The following UNC79 variants were observed in gnomAD, a reference collection of about 807,000 sequenced individuals.
The protein encoded by UNC79 is unc-79 subunit of NALCN channel complex, also known as protein unc-79 homolog.
In UNC79, 37 loss-of-function variants were observed where a neutral mutation model predicts 283.1. The ratio of observed to expected loss-of-function variants is 0.13; its 90% CI spans 0.10 to 0.17. The LOEUF is 0.17. Ranked by LOEUF, UNC79 falls within the 10% of genes least tolerant of loss-of-function variation. UNC79 has a pLI of 1.00. For synonymous variants in UNC79, 1,107 were observed against 1,200.2 expected (o/e 0.92, Z 1.61); for missense variants, 2,272 against 3,211.1 (o/e 0.71, Z 7.07).
At chr14:93,537,925 C>T (rs2061168192) in intron 11 of UNC79, 64 bp from the exon 12 acceptor site, 1 of 1,507,138 alleles carries the variant, frequency 6.6e-7, no homozygotes, top group East Asian at 2.3e-5. Flanking sequence ...TTCATTTATT[C>T]TGATTCTTAG....
chr14:93,538,416 G>A (rs2061190679), intron 12 of UNC79, among the ~76,000 whole-genome samples, 198 bp downstream of exon 12: 2 of 152,300 alleles, frequency 1.3e-5, no homozygotes, highest in East Asian at 1.9e-4. Flanking sequence ...TATGTGCCAC[G>A]CACTATGCTG....
chr14:93,631,055 C>G, intron 31 of UNC79, 147 bp downstream of exon 33: 1 of 753,666 alleles, frequency 1.3e-6, no homozygotes, highest in Non-Finnish European at 2.1e-6. Flanking sequence ...TGTATATTCT[C>G]AGAGACCCTG....
intron 1 of UNC79, among the ~76,000 whole-genome samples, chr14:93,440,104 T>A (rs2056238147): frequency 1.3e-5 from 2 of 152,042 alleles, no homozygotes; most frequent in South Asian, 4.1e-4. Context: ...TCCTATAGGA[T>A]GATATTTTAT....
chr14:93,385,779 A>C (rs1013862148), intron 1 of UNC79, among the ~76,000 whole-genome samples: 9 of 148,840 alleles, frequency 6.0e-5, no homozygotes, highest in East Asian at 2.0e-4. Flanking sequence ...ACTGTCCCCA[A>C]AAAAAAAAAA....
At chr14:93,598,525 G>T (rs2065259212) in intron 24 of UNC79, among the ~76,000 whole-genome samples, 1 of 151,814 alleles carries the variant, frequency 6.6e-6, no homozygotes, top group African/African-American at 2.4e-5. Context: ...ATAGTTTTTT[G>T]CTTTGTTTTG....
intron 46 of UNC79, 110 bp downstream of exon 49, chr14:93,692,056 A>G: frequency 7.9e-7 from 1 of 1,266,998 alleles, no homozygotes. Context: ...GGTTATATAA[A>G]TGGATCGGGG....
chr14:93,407,934 A>G (rs2055259896), intron 1 of UNC79, among the ~76,000 whole-genome samples: 1 of 152,150 alleles, frequency 6.6e-6, no homozygotes, highest in South Asian at 2.1e-4. Flanking sequence ...AGGCTCTGAC[A>G]CCTACAGTTA....
chr14:93,544,868 T>A (rs955259663), intron 14 of UNC79, among the ~76,000 whole-genome samples: 1 of 152,214 alleles, frequency 6.6e-6, no homozygotes, highest in African/African-American at 2.4e-5. Context: ...TTATGGTTAT[T>A]TTCCAGAGCA....
At chr14:93,426,359 T>A (rs2055725092), upstream of UNC79, among the ~76,000 whole-genome samples, 1 of 151,610 alleles carries the variant, frequency 6.6e-6, no homozygotes, top group Non-Finnish European at 1.5e-5. Flanking sequence ...TCTTTTTATA[T>A]CTGTAAATTT....
chr14:93,694,770 A>G (rs1173933509), intron 47 of UNC79, among the ~76,000 whole-genome samples: 1 of 152,192 alleles, frequency 6.6e-6, no homozygotes, highest in Non-Finnish European at 1.5e-5. Context: ...CAAACAAAAA[A>G]AAAGGTAACA....
At chr14:93,629,186 A>G (rs528384199) in intron 30 of UNC79, among the ~76,000 whole-genome samples, 1 of 152,250 alleles carries the variant, frequency 6.6e-6, no homozygotes, top group Non-Finnish European at 1.5e-5. Context: ...GCAATAGAGC[A>G]AGACTCCATC....
chr14:93,686,538 GA>G, intron 42 of UNC79, 33 bp from the exon 46 acceptor site: 1 of 1,609,836 alleles, frequency 6.2e-7, no homozygotes, highest in Non-Finnish European at 8.5e-7. Context: ...GGGCAAAAAT[GA>G]AGGTGTGACC....
chr14:93,437,577 C>G (rs1020021533), intron 1 of UNC79: 12 of 152,158 alleles, frequency 7.9e-5, no homozygotes, highest in African/African-American at 2.9e-4. Flanking sequence ...TGAATTAGCA[C>G]AGACTAGGTG....
exon 36 of UNC79, chr14:93,653,788 C>T (rs774094564): frequency 6.6e-5 from 107 of 1,613,796 alleles, no homozygotes; most frequent in Non-Finnish European, 8.9e-5. Flanking sequence ...GCAGTTCCTG[C>T]GCTGCATCTT....
rs145755672 is a variant in UNC79 at position 93,656,979 on chromosome 14, A to G, written c.6456+1572A>G. On this transcript the variant is annotated intron_variant, in intron 38 of 48. Coordinates refer to ENST00000555664, the Ensembl canonical transcript of UNC79. ...TTGATAAAGATCAACAACCTATGCT[A>G]ATACATTTTTCCAAATGGGCAGATA... is the stretch of plus-strand genomic sequence containing the variant. Among the ~76,000 whole-genome samples the G allele has an allele frequency of 9.8e-4, 150 of 152,362 alleles. 1 individual carries two copies. The highest frequency in any genetic ancestry group is 3.5e-3 in the African/African-American group (144 of 41,582).
chr14:93,379,521 T>C (rs2054623477), intron 1 of UNC79, among the ~76,000 whole-genome samples: 1 of 152,324 alleles, frequency 6.6e-6, no homozygotes, highest in African/African-American at 2.4e-5. Context: ...TCGTTTGGTA[T>C]ATTTCAGACT....
chr14:93,469,031 A>G (rs2057363802), intron 2 of UNC79, among the ~76,000 whole-genome samples: 1 of 152,222 alleles, frequency 6.6e-6, no homozygotes, highest in Non-Finnish European at 1.5e-5. Flanking sequence ...AGTTTCCTTT[A>G]TGACAAATTC....
rs143276011 is a variant in UNC79 at position 93,603,224 on chromosome 14, A to AT, written c.3575-13dup. On this transcript the variant is annotated splice_polypyrimidine_tract_variant and intron_variant, in intron 25 of 48. Coordinates refer to ENST00000555664, the Ensembl canonical transcript of UNC79. ...GTAAAGGAGAGTGATAGTCTCTTTA[A>AT]TTCCTTTTGCAAAGCCATCACTGCT... The AT allele has an allele frequency of 1.2e-3, 1,881 of 1,613,614 alleles. 18 individuals carry two copies. In the African/African-American group the frequency reaches 0.022, roughly 19 times the overall value.
chr14:93,492,948 G>A (rs931870340), intron 5 of UNC79, among the ~76,000 whole-genome samples: 1 of 152,170 alleles, frequency 6.6e-6, no homozygotes, highest in African/African-American at 2.4e-5. Flanking sequence ...AGTGACATGG[G>A]ACTGACCCCA....
Sources: gnomAD v4.1 joint callset for allele counts (sites outside exome capture counted in the v4.1 genomes callset) on GRCh38, gnomAD v4.1.1 for gene constraint, MANE v1.5 for transcripts, NCBI Gene and HGNC (gene_info 2026-07-23, HGNC 2026-07-21) for gene names.